Variants in CNTN4 observed in about 807,000 individuals in gnomAD.
CNTN4 encodes the protein contactin 4.
A neutral mutation model predicts 122.5 loss-of-function variants in CNTN4; 77 were observed. The ratio of observed to expected loss-of-function variants is 0.63; its 90% CI spans 0.52 to 0.76. The LOEUF (loss-of-function observed/expected upper bound fraction) is 0.76, where lower values mean the gene tolerates loss of function less well. CNTN4 is among the 30% of genes least tolerant of loss of function. CNTN4 has a pLI of 0.00. For missense variants in CNTN4, 1,256 were observed against 1,259.1 expected (o/e 1.00, Z 0.04); for synonymous variants, 512 against 447.0 (o/e 1.15, Z -1.83).
intron 13 of CNTN4, among the ~76,000 whole-genome samples, chr3:2,949,260 A>AC (rs1448714721): frequency 6.6e-6 from 1 of 152,158 alleles, no homozygotes; most frequent in African/African-American, 2.4e-5. Context: ...AAGCACATTC[A>AC]AAAAAGACCT....
rs574022443 is a variant in CNTN4 at position 2,739,433 on chromosome 3, C to G, written c.182+3092C>G. ...ACCTGGTATGTTCGTACAAGGTAAC[C>G]TCATACAGTAGTAAAAATGAATGAA... On this transcript the variant is annotated intron_variant, in intron 5 of 24. Transcript: ENST00000418658. Among the ~76,000 whole-genome samples the G allele has an allele frequency of 6.6e-5, 10 of 152,206 alleles. No individual in the cohort carries two copies. In the South Asian group the frequency reaches 2.1e-3, roughly 32 times the overall value.
At chr3:2,637,961 T>C (rs191400174) in intron 4 of CNTN4, among the ~76,000 whole-genome samples, 4 of 152,348 alleles carry the variant, frequency 2.6e-5, no homozygotes, top group Admixed American at 2.6e-4. Context: ...ATTTTGCTTT[T>C]AAACTTGTAA....
intron 3 of CNTN4, among the ~76,000 whole-genome samples, chr3:2,441,800 A>T (rs1181654989): frequency 6.6e-6 from 1 of 152,190 alleles, no homozygotes; most frequent in African/African-American, 2.4e-5. Context: ...GTAGCCATTA[A>T]GCTGTTGGCA....
intron 6 of CNTN4, among the ~76,000 whole-genome samples, chr3:2,810,423 A>C (rs2092577126): frequency 6.6e-6 from 1 of 152,176 alleles, no homozygotes; most frequent in Non-Finnish European, 1.5e-5. Context: ...TTGTTCCTGG[A>C]AACAAAGAGT....
intron 14 of CNTN4, among the ~76,000 whole-genome samples, chr3:3,019,544 C>T (rs1698078824): frequency 6.6e-6 from 1 of 151,894 alleles, no homozygotes; most frequent in Admixed American, 6.6e-5. Flanking sequence ...ATCTGCCTGC[C>T]TCAGCCTCCC....
At chr3:3,014,720 A>G (rs1188907257) in intron 14 of CNTN4, among the ~76,000 whole-genome samples, 1 of 151,428 alleles carries the variant, frequency 6.6e-6, no homozygotes, top group Non-Finnish European at 1.5e-5. Context: ...TTCCACCTCC[A>G]TTACCCTTTA....
At chr3:2,210,666 C>T (rs943283254) in intron 2 of CNTN4, among the ~76,000 whole-genome samples, 1 of 152,182 alleles carries the variant, frequency 6.6e-6, no homozygotes, top group Non-Finnish European at 1.5e-5. Flanking sequence ...CAGTCCAATG[C>T]AGCAAGAGTG....
chr3:2,588,955 A>C (rs1427864959), intron 4 of CNTN4, among the ~76,000 whole-genome samples: 3 of 152,162 alleles, frequency 2.0e-5, no homozygotes, highest in African/African-American at 7.2e-5. Context: ...ACTAGGTAAA[A>C]GTTGATGTAA....
intron 6 of CNTN4, among the ~76,000 whole-genome samples, chr3:2,817,934 C>A (rs971357524): frequency 1.3e-5 from 2 of 152,156 alleles, no homozygotes; most frequent in Admixed American, 1.3e-4. Context: ...CATGTTCTAC[C>A]CTCACCTGGT....
At chr3:2,700,176 C>G (rs544504250) in intron 4 of CNTN4, among the ~76,000 whole-genome samples, 1 of 152,256 alleles carries the variant, frequency 6.6e-6, no homozygotes, top group South Asian at 2.1e-4. Flanking sequence ...TGAAATCCTT[C>G]GCAGATACAA....
chr3:2,596,415 T>G (rs2080774012), intron 4 of CNTN4, among the ~76,000 whole-genome samples: 1 of 152,162 alleles, frequency 6.6e-6, no homozygotes, highest in African/African-American at 2.4e-5. Flanking sequence ...TTCATTTAGA[T>G]AAAGATGATA....
intron 5 of CNTN4, among the ~76,000 whole-genome samples, chr3:2,738,532 G>A (rs531948476): frequency 1.3e-4 from 20 of 152,030 alleles, no homozygotes; most frequent in African/African-American, 4.8e-4. Flanking sequence ...TGAGCTACAA[G>A]AATAAATAAG....
intron 2 of CNTN4, among the ~76,000 whole-genome samples, chr3:2,178,951 A>T (rs151257137): frequency 0.014 from 2,120 of 152,122 alleles, 22 homozygotes; most frequent in Non-Finnish European, 0.024. Flanking sequence ...TTTAGGTTGG[A>T]ACTGAGTAAA....
chr3:2,186,161 A>G (rs547257849), intron 2 of CNTN4, among the ~76,000 whole-genome samples: 1 of 139,952 alleles, frequency 7.1e-6, no homozygotes, highest in East Asian at 2.1e-4. Flanking sequence ...ATTCCCACCT[A>G]TGAGTGAGAA....
At chr3:2,586,261 GTTGTTGTTGT>G (rs907798650) in intron 4 of CNTN4, among the ~76,000 whole-genome samples, 4 of 152,086 alleles carry the variant, frequency 2.6e-5, no homozygotes, top group East Asian at 1.9e-4. Flanking sequence ...CTCCATTTTT[GTTGTTGTTGT>G]TTGTTGTTGT....
chr3:2,559,339 C>G (rs889741079), intron 3 of CNTN4, among the ~76,000 whole-genome samples: 1 of 152,108 alleles, frequency 6.6e-6, no homozygotes, highest in Non-Finnish European at 1.5e-5. Flanking sequence ...AATGTCAGTA[C>G]TATCAGCCCT....
At chr3:2,239,519 C>A (rs2039845036) in intron 2 of CNTN4, among the ~76,000 whole-genome samples, 1 of 151,944 alleles carries the variant, frequency 6.6e-6, no homozygotes, top group South Asian at 2.1e-4. Flanking sequence ...GGGGCCTGAT[C>A]TTGCTCTTAC....
intron 4 of CNTN4, among the ~76,000 whole-genome samples, chr3:2,653,857 C>T (rs1383829563): frequency 1.3e-5 from 2 of 152,156 alleles, no homozygotes; most frequent in Non-Finnish European, 2.9e-5. Flanking sequence ...ACCAGTTCGT[C>T]TCTACCAAAC....
At chr3:2,377,432 T>G (rs1341223528) in intron 3 of CNTN4, among the ~76,000 whole-genome samples, 1 of 152,214 alleles carries the variant, frequency 6.6e-6, no homozygotes, top group Non-Finnish European at 1.5e-5. Flanking sequence ...GGTTGTTAAG[T>G]CACCAAGAGA....
Sources: allele counts gnomAD v4.1 joint callset (sites outside exome capture counted in the v4.1 genomes callset), GRCh38; gene constraint gnomAD v4.1.1; transcripts MANE v1.5; gene names NCBI Gene and HGNC (gene_info 2026-07-23, HGNC 2026-07-21).